MICAL2: variants seen among roughly 807,000 people sequenced by gnomAD.
MICAL2 encodes the protein microtubule associated monooxygenase, calponin and LIM domain containing 2, also known as [F-actin]-monooxygenase MICAL2.
A neutral mutation model predicts 127.3 loss-of-function variants in MICAL2; 77 were observed. That is an observed-to-expected ratio of 0.60 (90% CI 0.50 to 0.73). The LOEUF (loss-of-function observed/expected upper bound fraction) is 0.73, where lower values mean the gene tolerates loss of function less well. Ranked by LOEUF, MICAL2 falls within the 30% of genes least tolerant of loss-of-function variation. The pLI is 0.00. For missense variants in MICAL2, 1,351 were observed against 1,434.4 expected, an observed-to-expected ratio of 0.94 and a Z score of 0.94; for synonymous variants, 570 against 551.1, an observed-to-expected ratio of 1.03 and a Z score of -0.48.
At chr11:12,261,500 C>A (rs1196769199) in intron 26 of MICAL2, 21 of 985,492 alleles carry the variant, frequency 2.1e-5, no homozygotes, top group South Asian at 9.4e-5. Context: ...CAGGGTCTGG[C>A]TGAACAATCA....
At chr11:12,245,707 C>T (rs896003731) in intron 21 of MICAL2, among the ~76,000 whole-genome samples, 6 of 152,248 alleles carry the variant, frequency 3.9e-5, no homozygotes, top group African/African-American at 1.4e-4. Context: ...CCTCCTCCTC[C>T]TCAGTAAGAG....
chr11:12,328,264 G>T (rs1565306446), intron 32 of MICAL2, among the ~76,000 whole-genome samples: 1 of 152,180 alleles, frequency 6.6e-6, no homozygotes, highest in Non-Finnish European at 1.5e-5. Context: ...GCACACATAG[G>T]TAAAGAGGTA....
chr11:12,319,447 CTT>C (rs10660240), intron 29 of MICAL2, among the ~76,000 whole-genome samples: 1 of 147,102 alleles, frequency 6.8e-6, no homozygotes, highest in Non-Finnish European at 1.5e-5. Flanking sequence ...TTGGTTTTTT[CTT>C]TTTTTTTTTT....
intron 1 of MICAL2, among the ~76,000 whole-genome samples, chr11:12,136,706 CT>C (rs57248666): frequency 0.016 from 2,454 of 152,188 alleles, 67 homozygotes; most frequent in African/African-American, 0.055. Context: ...GTGTATTTGG[CT>C]TGTTGGTCAG....
intron 32 of MICAL2, among the ~76,000 whole-genome samples, chr11:12,342,135 G>T (rs1200216926): frequency 6.6e-6 from 1 of 152,274 alleles, no homozygotes; most frequent in African/African-American, 2.4e-5. Flanking sequence ...GGCAGAGGGT[G>T]AGCGGAAGAA....
chr11:12,211,902 C>T (rs1465565071), intron 6 of MICAL2, among the ~76,000 whole-genome samples: 1 of 152,222 alleles, frequency 6.6e-6, no homozygotes, highest in Non-Finnish European at 1.5e-5. Context: ...AAAACCGCAA[C>T]TGCTTGCAAA....
At chr11:12,120,177 C>A (rs1202945348) in intron 1 of MICAL2, among the ~76,000 whole-genome samples, 1 of 152,214 alleles carries the variant, frequency 6.6e-6, no homozygotes, top group African/African-American at 2.4e-5. Flanking sequence ...GAATTCCCAC[C>A]TTTGTTCCTA....
upstream of MICAL2, among the ~76,000 whole-genome samples, chr11:12,273,169 C>A (rs1339924501): frequency 6.6e-6 from 1 of 152,218 alleles, no homozygotes; most frequent in African/African-American, 2.4e-5. Flanking sequence ...AATACATGAC[C>A]TTGTGCTGGT....
intron 3 of MICAL2, among the ~76,000 whole-genome samples, chr11:12,173,741 G>C (rs73414260): frequency 1.3e-5 from 2 of 151,868 alleles, no homozygotes; most frequent in African/African-American, 4.8e-5. Context: ...TCATCTTTTT[G>C]TTTGTGTAAA....
intron 32 of MICAL2, among the ~76,000 whole-genome samples, chr11:12,341,522 T>A (rs1271179896): frequency 6.6e-6 from 1 of 152,182 alleles, no homozygotes; most frequent in Non-Finnish European, 1.5e-5. Context: ...TCTCTACTAC[T>A]ATCTATTCCA....
intron 1 of MICAL2, among the ~76,000 whole-genome samples, chr11:12,125,501 G>A (rs938714254): frequency 6.6e-6 from 1 of 152,056 alleles, no homozygotes; most frequent in Admixed American, 6.6e-5. Flanking sequence ...TGATCTGCCC[G>A]CCTCGGCCTC....
intron 29 of MICAL2, among the ~76,000 whole-genome samples, chr11:12,305,296 G>T (rs73422738): frequency 6.6e-6 from 1 of 152,098 alleles, no homozygotes; most frequent in Non-Finnish European, 1.5e-5. Flanking sequence ...GAAGCAAAGC[G>T]GGAAGACCCC....
intron 4 of MICAL2, 82 bp from the exon 5 acceptor site, chr11:12,207,941 C>A (rs539671319): frequency 3.9e-6 from 4 of 1,031,588 alleles, no homozygotes; most frequent in Admixed American, 1.7e-5. Context: ...GGTCACTGAG[C>A]GGCAGTGATT....
intron 3 of MICAL2, among the ~76,000 whole-genome samples, chr11:12,200,443 C>G (rs1860554962): frequency 6.6e-6 from 1 of 152,188 alleles, no homozygotes; most frequent in Admixed American, 6.5e-5. Flanking sequence ...CCTCATCTCT[C>G]CCACTCCTCT....
chr11:12,306,840 A>C (rs1174085699), intron 29 of MICAL2, among the ~76,000 whole-genome samples: 1 of 152,220 alleles, frequency 6.6e-6, no homozygotes, highest in Non-Finnish European at 1.5e-5. Context: ...GGATGCACCA[A>C]CATTTGTTTA....
At chr11:12,235,514 A>G (rs77845385) in intron 15 of MICAL2, among the ~76,000 whole-genome samples, 16,570 of 152,138 alleles carry the variant, frequency 0.11, 1,090 homozygotes, top group Middle Eastern at 0.15. Flanking sequence ...ACTACCCTCC[A>G]CCTCCAACAA....
intron 1 of MICAL2, among the ~76,000 whole-genome samples, chr11:12,130,312 G>T (rs1851309608): frequency 6.6e-6 from 1 of 152,220 alleles, no homozygotes; most frequent in South Asian, 2.1e-4. Context: ...GGCAAGAGGA[G>T]GAGCAGGTGC....
At chr11:12,233,364 G>A (rs180878669) in intron 15 of MICAL2, among the ~76,000 whole-genome samples, 314 of 152,256 alleles carry the variant, frequency 2.1e-3, no homozygotes, top group Non-Finnish European at 3.3e-3. Context: ...ATCACTGGCC[G>A]TCTTCCTGAC....
chr11:12,226,350 G>T lies in MICAL2; in HGVS notation c.1868G>T (p.Gly623Val). The change falls in exon 14 of 28, where the codon GGC (glycine) becomes GTC (valine). Residue 623 changes from glycine (G) to valine (V), a missense_variant. Coordinates refer to ENST00000683283, the MANE Select transcript of MICAL2 (RefSeq NM_001282663.2). ...TCCAAGTTCTACGAGCTCTTCCGGGGCACCCCACTGAGGCCCGTGGGTAAG... is the reference window on the plus strand; with the variant it reads ...TCCAAGTTCTACGAGCTCTTCCGGGTCACCCCACTGAGGCCCGTGGGTAAG... ...YLSKFYELFR[G>V]TPLRPVDSWR... 6.2e-7 allele frequency: 1 copy of T among 1,614,038 alleles called. No individual in the cohort carries two copies. The highest frequency in any genetic ancestry group is 1.3e-5 in the African/African-American group (1 of 75,056).
Sources: allele counts gnomAD v4.1 joint callset (sites outside exome capture counted in the v4.1 genomes callset), GRCh38; gene constraint gnomAD v4.1.1; transcripts MANE v1.5; gene names NCBI Gene and HGNC (gene_info 2026-07-23, HGNC 2026-07-21).